CYTH1: variants seen among roughly 807,000 people sequenced by gnomAD.
CYTH1 encodes the protein cytohesin 1.
In CYTH1, 18 loss-of-function variants were observed where a neutral mutation model predicts 61.8. That is an observed-to-expected ratio of 0.29 (90% CI 0.20 to 0.43). CYTH1 has a LOEUF of 0.43. CYTH1 is among the 20% of genes least tolerant of loss of function. The probability of loss-of-function intolerance (pLI) is 1.00; values close to 1 mark genes in which losing one functional copy is unlikely to be tolerated. For synonymous variants in CYTH1, 174 were observed against 184.3 expected (o/e 0.94, Z 0.45); for missense variants, 336 against 510.5 (o/e 0.66, Z 3.29).
rs79351757 is a variant in CYTH1 at position 78,713,026 on chromosome 17, C to T, written c.23-3294G>A. ...TATGTGGATTCTAACCCTGCACCCCCGCCAAACCCACCACCCCAAATGTTT... is the reference window on the plus strand; with the variant it reads ...TATGTGGATTCTAACCCTGCACCCCTGCCAAACCCACCACCCCAAATGTTT... On this transcript the variant is annotated intron_variant, in intron 1 of 13. Transcript: ENST00000446868. Among the ~76,000 whole-genome samples the T allele has an allele frequency of 6.6e-3, 1,010 of 152,022 alleles. 13 individuals are homozygous for T. Among genetic ancestry groups the T allele is most frequent in the African/African-American group, 0.022 (922 of 41,444 alleles).
At chr17:78,750,359 G>T (rs2093375292) in intron 1 of CYTH1, among the ~76,000 whole-genome samples, 1 of 152,116 alleles carries the variant, frequency 6.6e-6, no homozygotes, top group Non-Finnish European at 1.5e-5. Flanking sequence ...CAGCACCAGG[G>T]GCTCTGCTGT....
At chr17:78,692,374 C>T (rs367619543) in intron 11 of CYTH1, 43 bp downstream of exon 11, 1 of 1,595,528 alleles carries the variant, frequency 6.3e-7, no homozygotes, top group Admixed American at 1.7e-5. Flanking sequence ...GAACCGGAGG[C>T]CTTGCCCATC....
chr17:78,744,459 C>T (rs1200296994), intron 1 of CYTH1, among the ~76,000 whole-genome samples: 3 of 152,148 alleles, frequency 2.0e-5, no homozygotes, highest in Non-Finnish European at 4.4e-5. Context: ...TCCAAAGTCC[C>T]GAAGAACATC....
At chr17:78,773,501 G>A (rs1469804512) in intron 1 of CYTH1, among the ~76,000 whole-genome samples, 2 of 150,332 alleles carry the variant, frequency 1.3e-5, no homozygotes, top group East Asian at 2.0e-4. Context: ...ATGGTGGCGT[G>A]CGCCTGTAAT....
intron 3 of CYTH1, among the ~76,000 whole-genome samples, chr17:78,703,184 T>C (rs987204210): frequency 6.6e-6 from 1 of 151,184 alleles, no homozygotes; most frequent in Non-Finnish European, 1.5e-5. Context: ...GAGGCCGAGG[T>C]GGGTGGATCA....
intron 1 of CYTH1, among the ~76,000 whole-genome samples, chr17:78,775,604 A>C (rs998781743): frequency 3.9e-5 from 6 of 152,174 alleles, no homozygotes; most frequent in African/African-American, 1.4e-4. Context: ...TTAGATAATC[A>C]ATCTGGGAAC....
At chr17:78,681,946 C>G (rs773964813) in intron 11 of CYTH1, among the ~76,000 whole-genome samples, 3 of 152,104 alleles carry the variant, frequency 2.0e-5, no homozygotes, top group Non-Finnish European at 4.4e-5. Context: ...CTTCTTCAAG[C>G]CAACCTGCTT....
intron 1 of CYTH1, among the ~76,000 whole-genome samples, chr17:78,778,837 C>T (rs1435995132): frequency 6.6e-6 from 1 of 151,950 alleles, no homozygotes; most frequent in Non-Finnish European, 1.5e-5. Context: ...TCTGAGGTGA[C>T]GTCTGAACAC....
chr17:78,684,839 A>AT (rs2092799904), intron 11 of CYTH1, among the ~76,000 whole-genome samples: 1 of 152,320 alleles, frequency 6.6e-6, no homozygotes, highest in Admixed American at 6.5e-5. Flanking sequence ...TTCAAAGTAA[A>AT]TGTTTCTTTA....
At chr17:78,687,389 C>T (rs1180581294) in intron 11 of CYTH1, among the ~76,000 whole-genome samples, 1 of 152,204 alleles carries the variant, frequency 6.6e-6, no homozygotes, top group African/African-American at 2.4e-5. Context: ...TCTGCCTCAA[C>T]TTTAATCCAG....
intron 1 of CYTH1, among the ~76,000 whole-genome samples, chr17:78,760,954 G>A (rs1468349222): frequency 1.3e-5 from 2 of 151,966 alleles, no homozygotes; most frequent in African/African-American, 4.8e-5. Flanking sequence ...TCCTGCCTCA[G>A]CCTCCTGAGT....
At chr17:78,737,893 A>T (rs899244109) in intron 1 of CYTH1, among the ~76,000 whole-genome samples, 1 of 136,406 alleles carries the variant, frequency 7.3e-6, no homozygotes, top group African/African-American at 2.5e-5. Flanking sequence ...ACACACACAC[A>T]CACACACGAT....
intron 1 of CYTH1, among the ~76,000 whole-genome samples, chr17:78,746,242 A>T (rs1489419464): frequency 6.6e-6 from 1 of 152,236 alleles, no homozygotes; most frequent in Non-Finnish European, 1.5e-5. Context: ...GACGGTCAGA[A>T]CAGGCATCAC....
chr17:78,743,193 A>AAAAAAAAAAT (rs1297131914), intron 1 of CYTH1, among the ~76,000 whole-genome samples: 3 of 152,262 alleles, frequency 2.0e-5, no homozygotes, highest in African/African-American at 7.2e-5. Context: ...AAAATGAAAA[A>AAAAAAAAAAT]AGAAATAAGC....
At chr17:78,706,184 A>C (rs550731434) in intron 3 of CYTH1, among the ~76,000 whole-genome samples, 1 of 152,278 alleles carries the variant, frequency 6.6e-6, no homozygotes, top group African/African-American at 2.4e-5. Flanking sequence ...TTAAGTGCAC[A>C]GTTCAATTTG....
At chr17:78,685,440 T>C (rs1175118191) in intron 11 of CYTH1, among the ~76,000 whole-genome samples, 1 of 151,496 alleles carries the variant, frequency 6.6e-6, no homozygotes, top group Non-Finnish European at 1.5e-5. Flanking sequence ...TTGTTTTATA[T>C]TTAAGCATAT....
intron 1 of CYTH1, among the ~76,000 whole-genome samples, chr17:78,762,546 T>A (rs575907799): frequency 1.3e-5 from 2 of 152,342 alleles, no homozygotes; most frequent in East Asian, 1.9e-4. Context: ...AAGATATACA[T>A]GTCCTAATCA....
chr17:78,676,251 C>T (rs2092697613), intron 13 of CYTH1, 82 bp from the exon 14 acceptor site: 6 of 1,377,692 alleles, frequency 4.4e-6, no homozygotes, highest in Non-Finnish European at 6.0e-6. Flanking sequence ...TTCTCAGGGG[C>T]CCCTCGTGCC....
intron 1 of CYTH1, among the ~76,000 whole-genome samples, chr17:78,771,042 C>T (rs1483635922): frequency 6.6e-6 from 1 of 152,070 alleles, no homozygotes; most frequent in African/African-American, 2.4e-5. Flanking sequence ...GTGGACAGAT[C>T]ACATGAGGCC....
Sources: allele counts gnomAD v4.1 joint callset (sites outside exome capture counted in the v4.1 genomes callset), GRCh38; gene constraint gnomAD v4.1.1; transcripts MANE v1.5; gene names NCBI Gene and HGNC (gene_info 2026-07-23, HGNC 2026-07-21).